Variants in VPS45 observed in about 807,000 individuals in gnomAD.
The protein encoded by VPS45 is vacuolar protein sorting 45 homolog.
VPS45 carries 35 observed loss-of-function variants against 75.9 expected under a neutral mutation model. The observed-to-expected ratio is 0.46, with a 90% CI of 0.35 to 0.61. The LOEUF (loss-of-function observed/expected upper bound fraction) is 0.61, where lower values mean the gene tolerates loss of function less well. VPS45 is among the 20% of genes least tolerant of loss of function. VPS45 has a pLI of 0.00. For synonymous variants in VPS45, 220 were observed against 238.2 expected, an observed-to-expected ratio of 0.92 and a Z score of 0.70; for missense variants, 559 against 685.9, an observed-to-expected ratio of 0.81 and a Z score of 2.07.
chr1:150,136,331 A>T (rs1483257469), intron 14 of VPS45, among the ~76,000 whole-genome samples: 1 of 151,490 alleles, frequency 6.6e-6, no homozygotes, highest in Non-Finnish European at 1.5e-5. Context: ...AGGTGGGTGG[A>T]TCACCTGAGG....
At chr1:150,101,121 T>G (rs1553804180) in intron 13 of VPS45, among the ~76,000 whole-genome samples, 1 of 151,924 alleles carries the variant, frequency 6.6e-6, no homozygotes, top group Non-Finnish European at 1.5e-5. Context: ...ATACAAAAAA[T>G]TAGCCACGAG....
At chr1:150,082,421 G>A (rs782070773) in intron 9 of VPS45, among the ~76,000 whole-genome samples, 3 of 150,362 alleles carry the variant, frequency 2.0e-5, no homozygotes, top group East Asian at 2.0e-4. Context: ...CGGGGGAATC[G>A]CTTGAACCTG....
rs181848747 is a variant in VPS45 at position 150,136,429 on chromosome 1, C to T, written c.1626-8280C>T. 5.5e-3 allele frequency among the ~76,000 whole-genome samples: 829 copies of T among 151,788 alleles called. 7 individuals carry two copies. The highest frequency in any genetic ancestry group is 0.027 in the Middle Eastern group (8 of 292). On this transcript the variant is annotated intron_variant, in intron 14 of 14. Transcript: ENST00000644510. ...AATTAGCTGGGCATGGTGGTGGACT[C>T]CTGTAATCCCAGCTATTGAGGAGGC... is the stretch of plus-strand genomic sequence containing the variant.
At chr1:150,093,142 G>T (rs587658944) in intron 12 of VPS45, among the ~76,000 whole-genome samples, 1 of 151,974 alleles carries the variant, frequency 6.6e-6, no homozygotes, top group African/African-American at 2.4e-5. Context: ...CACCGCGCCC[G>T]GCAGCCTTTC....
rs1571834231 is a variant in VPS45, at chr1:150,082,789, A to T, written c.1010A>T (p.Glu337Val). 2 of 1,614,126 alleles carry T rather than the reference A, an allele frequency of 1.2e-6. No homozygotes were observed. Among genetic ancestry groups the T allele is most frequent in the Non-Finnish European group, 1.7e-6 (2 of 1,180,012 alleles). ...TVSKHVTVVG[E>V]LSRLVSERNL... ...TCAAAGCATGTGACAGTGGTTGGAG[A>T]ACTGTCTCGATTGGTCAGTGAACGG... is the stretch of plus-strand genomic sequence containing the variant. Residue 337 changes from glutamate to valine, a missense_variant, in exon 10 of 15, where the codon GAA becomes GTA. Coordinates refer to ENST00000644510, the MANE Select transcript of VPS45 (RefSeq NM_007259.5).
At chr1:150,094,434 T>C (rs1322447442) in intron 13 of VPS45, among the ~76,000 whole-genome samples, 1 of 152,184 alleles carries the variant, frequency 6.6e-6, no homozygotes, top group Non-Finnish European at 1.5e-5. Context: ...CATAATGAGA[T>C]TCTGAATGAG....
At chr1:150,144,403 T>C (rs1211813589) in intron 14 of VPS45, among the ~76,000 whole-genome samples, 2 of 152,184 alleles carry the variant, frequency 1.3e-5, no homozygotes, top group Admixed American at 6.5e-5. Context: ...ATAGTGGCCT[T>C]GCCCTTAAAA....
At chr1:150,134,353 T>C (rs782819525) in intron 14 of VPS45, among the ~76,000 whole-genome samples, 1 of 152,178 alleles carries the variant, frequency 6.6e-6, no homozygotes, top group Non-Finnish European at 1.5e-5. Flanking sequence ...CACTTTTGTG[T>C]TTTTTAATTG....
At chr1:150,121,696 T>G (rs2101629958) in intron 14 of VPS45, among the ~76,000 whole-genome samples, 1 of 152,352 alleles carries the variant, frequency 6.6e-6, no homozygotes, top group South Asian at 2.1e-4. Context: ...TCAGGAGTTC[T>G]AGTTATGAGT....
intron 14 of VPS45, among the ~76,000 whole-genome samples, chr1:150,127,423 A>G (rs1553811040): frequency 6.6e-6 from 1 of 151,504 alleles, no homozygotes; most frequent in African/African-American, 2.4e-5. Flanking sequence ...AAGCAGTCCT[A>G]CCACTTCAGC....
intron 14 of VPS45, among the ~76,000 whole-genome samples, chr1:150,123,021 C>CA (rs1364767201): frequency 6.7e-6 from 1 of 148,614 alleles, no homozygotes; most frequent in East Asian, 2.0e-4. Context: ...TCATTGTATC[C>CA]AAAAATCCCC....
chr1:150,085,146 A>G (rs982880702), intron 10 of VPS45, among the ~76,000 whole-genome samples: 2 of 152,256 alleles, frequency 1.3e-5, no homozygotes, highest in South Asian at 4.1e-4. Flanking sequence ...TGGGCCTAAT[A>G]GAAATGTCCT....
At chr1:150,097,691 C>G (rs1203087565) in intron 13 of VPS45, among the ~76,000 whole-genome samples, 5 of 151,790 alleles carry the variant, frequency 3.3e-5, no homozygotes, top group African/African-American at 1.2e-4. Flanking sequence ...TACACACCAG[C>G]CTGGGTGATA....
At chr1:150,121,265 CT>C (rs370494492) in intron 14 of VPS45, among the ~76,000 whole-genome samples, 5 of 152,234 alleles carry the variant, frequency 3.3e-5, no homozygotes, top group African/African-American at 7.2e-5. Flanking sequence ...TATTACTTCC[CT>C]TTTTCATTTC....
intron 14 of VPS45, among the ~76,000 whole-genome samples, chr1:150,117,665 C>T (rs782386155): frequency 6.6e-6 from 1 of 152,184 alleles, no homozygotes; most frequent in East Asian, 1.9e-4. Context: ...TTGAGACCAG[C>T]CTGCGCAATG....
intron 14 of VPS45, among the ~76,000 whole-genome samples, chr1:150,137,790 C>T (rs1659188571): frequency 6.6e-6 from 1 of 151,920 alleles, no homozygotes; most frequent in African/African-American, 2.4e-5. Context: ...CGGCGTATTT[C>T]TGTAGTCCCA....
At chr1:150,111,526 T>C (rs1472736509) in intron 14 of VPS45, among the ~76,000 whole-genome samples, 1 of 152,128 alleles carries the variant, frequency 6.6e-6, no homozygotes, top group Non-Finnish European at 1.5e-5. Flanking sequence ...CACGGTGTTT[T>C]AGGAGGATTA....
At chr1:150,117,275 A>G (rs1657988617) in intron 14 of VPS45, among the ~76,000 whole-genome samples, 1 of 151,820 alleles carries the variant, frequency 6.6e-6, no homozygotes, top group Non-Finnish European at 1.5e-5. Context: ...TAATCCCAGC[A>G]CTTTGGGAGG....
At chr1:150,125,597 CA>C in intron 14 of VPS45, among the ~76,000 whole-genome samples, 1 of 119,026 alleles carries the variant, frequency 8.4e-6, no homozygotes, top group East Asian at 2.5e-4. Context: ...GGGAATTGAA[CA>C]ATGAGAACAC....
Sources: gnomAD v4.1 joint callset for allele counts (sites outside exome capture counted in the v4.1 genomes callset) on GRCh38, gnomAD v4.1.1 for gene constraint, MANE v1.5 for transcripts, NCBI Gene and HGNC (gene_info 2026-07-23, HGNC 2026-07-21) for gene names.